The following MATCAP2 variants were observed in gnomAD, a reference collection of about 807,000 sequenced individuals.
The protein encoded by MATCAP2 is putative tyrosine carboxypeptidase MATCAP2.
the MATCAP2 span, among the ~76,000 whole-genome samples, chr7:36,342,905 C>T: frequency 3.3e-5 from 5 of 152,094 alleles, no homozygotes; most frequent in Admixed American, 6.6e-5. Flanking sequence ...GAATTATAGG[C>T]GTGAGCCACT....
the MATCAP2 span, among the ~76,000 whole-genome samples, chr7:36,343,902 T>A: frequency 1.3e-5 from 2 of 152,160 alleles, no homozygotes; most frequent in African/African-American, 4.8e-5. Context: ...GCAACTTTTC[T>A]TAGCAATAAA....
chr7:36,339,196 T>C, the MATCAP2 span, among the ~76,000 whole-genome samples: 1 of 152,210 alleles, frequency 6.6e-6, no homozygotes, highest in Non-Finnish European at 1.5e-5. Flanking sequence ...GTAGGTAACA[T>C]GCCTGAAACA....
chr7:36,338,667 C>T, the MATCAP2 span, among the ~76,000 whole-genome samples: 1 of 152,036 alleles, frequency 6.6e-6, no homozygotes, highest in Non-Finnish European at 1.5e-5. Flanking sequence ...CCAGGCTAGT[C>T]CTGAACTCAA....
the MATCAP2 span, among the ~76,000 whole-genome samples, chr7:36,354,358 T>C: frequency 6.6e-6 from 1 of 152,228 alleles, no homozygotes; most frequent in Non-Finnish European, 1.5e-5. Context: ...CAGACTTATC[T>C]GTGCGCGAAA....
At chr7:36,342,488 G>A in the MATCAP2 span, among the ~76,000 whole-genome samples, 1 of 152,174 alleles carries the variant, frequency 6.6e-6, no homozygotes, top group Non-Finnish European at 1.5e-5. Context: ...AAGCTCAGGA[G>A]CCTGGACCAG....
chr7:36,381,809 C>G, the MATCAP2 span, among the ~76,000 whole-genome samples: 1 of 151,886 alleles, frequency 6.6e-6, no homozygotes, highest in East Asian at 1.9e-4. Flanking sequence ...CTCTGAGAAG[C>G]AGGAAAGAGG....
the MATCAP2 span, among the ~76,000 whole-genome samples, chr7:36,371,176 G>A: frequency 6.6e-6 from 1 of 151,924 alleles, no homozygotes; most frequent in South Asian, 2.1e-4. Flanking sequence ...CATGATCATG[G>A]TTCACTGGAG....
the MATCAP2 span, among the ~76,000 whole-genome samples, chr7:36,339,222 C>T: frequency 6.6e-6 from 1 of 152,124 alleles, no homozygotes; most frequent in African/African-American, 2.4e-5. Flanking sequence ...TACAAGAAAG[C>T]TCACATACTG....
chr7:36,347,862 A>G, the MATCAP2 span, among the ~76,000 whole-genome samples: 1 of 152,170 alleles, frequency 6.6e-6, no homozygotes, highest in Non-Finnish European at 1.5e-5. Context: ...CCCCAAACAG[A>G]ATAATCCCTA....
the MATCAP2 span, among the ~76,000 whole-genome samples, chr7:36,373,225 T>C: frequency 6.5e-4 from 99 of 151,768 alleles, no homozygotes; most frequent in East Asian, 8.3e-3. Flanking sequence ...ATAGAACTTA[T>C]ACTGGGAGAA....
chr7:36,363,881 A>T, the MATCAP2 span, among the ~76,000 whole-genome samples: 1 of 152,208 alleles, frequency 6.6e-6, no homozygotes, highest in Non-Finnish European at 1.5e-5. Context: ...TTAGTATCAC[A>T]TTAAATATTA....
chr7:36,379,050 C>T, the MATCAP2 span, among the ~76,000 whole-genome samples: 1 of 152,250 alleles, frequency 6.6e-6, no homozygotes, highest in African/African-American at 2.4e-5. Flanking sequence ...ACCCCTTGCA[C>T]TTCCTGGGTG....
At chr7:36,384,070 G>A in the MATCAP2 span, 1 of 326,520 alleles carries the variant, frequency 3.1e-6, no homozygotes, top group Non-Finnish European at 5.3e-6. Flanking sequence ...GTGTGTGACT[G>A]TATTTTGAAA....
chr7:36,366,641 G>A, the MATCAP2 span: 4 of 1,510,966 alleles, frequency 2.6e-6, no homozygotes, highest in Non-Finnish European at 3.6e-6. Context: ...TTGTACCTTT[G>A]TAAGACCAGC....
At chr7:36,373,233 G>GA in the MATCAP2 span, among the ~76,000 whole-genome samples, 1 of 151,936 alleles carries the variant, frequency 6.6e-6, no homozygotes, top group African/African-American at 2.4e-5. Flanking sequence ...TATACTGGGA[G>GA]AAAAAAACAA....
At chr7:36,368,632 T>C in the MATCAP2 span, among the ~76,000 whole-genome samples, 2 of 152,114 alleles carry the variant, frequency 1.3e-5, no homozygotes, top group African/African-American at 4.8e-5. Flanking sequence ...TTGGCCAGAG[T>C]GAACCTGTGA....
chr7:36,379,847 C>CACACAGAG, the MATCAP2 span, among the ~76,000 whole-genome samples: 120 of 107,690 alleles, frequency 1.1e-3, 1 homozygote, highest in African/African-American at 4.4e-3. Flanking sequence ...CACACACACA[C>CACACAGAG]AGAGAGAGAG....
At chr7:36,371,569 T>G in the MATCAP2 span, among the ~76,000 whole-genome samples, 1 of 152,242 alleles carries the variant, frequency 6.6e-6, no homozygotes, top group African/African-American at 2.4e-5. Flanking sequence ...AAGAAGATCA[T>G]TTTCTTTTTT....
the MATCAP2 span, among the ~76,000 whole-genome samples, chr7:36,377,506 C>T: frequency 3.3e-5 from 5 of 152,094 alleles, no homozygotes; most frequent in Admixed American, 1.3e-4. Flanking sequence ...GTGGGTAATC[C>T]GACCTTTCTC....
Sources: gnomAD v4.1 joint callset for allele counts (sites outside exome capture counted in the v4.1 genomes callset) on GRCh38, gnomAD v4.1.1 for gene constraint, MANE v1.5 for transcripts, NCBI Gene and HGNC (gene_info 2026-07-23, HGNC 2026-07-21) for gene names.